Variants in STRBP observed in about 807,000 individuals in gnomAD.
STRBP encodes the protein spermatid perinuclear RNA binding protein.
In STRBP, 13 loss-of-function variants were observed where a neutral mutation model predicts 80.1. The observed-to-expected ratio is 0.16, with a 90% CI of 0.11 to 0.26. The LOEUF (loss-of-function observed/expected upper bound fraction) is 0.26, where lower values mean the gene tolerates loss of function less well. STRBP is among the 10% of genes least tolerant of loss of function. The probability of loss-of-function intolerance (pLI) is 1.00; values close to 1 mark genes in which losing one functional copy is unlikely to be tolerated. For synonymous variants in STRBP, 284 were observed against 291.2 expected, an observed-to-expected ratio of 0.98 and a Z score of 0.25; for missense variants, 485 against 815.2, an observed-to-expected ratio of 0.59 and a Z score of 4.93.
At chr9:123,162,800 C>T (rs1174868307) in intron 6 of STRBP, among the ~76,000 whole-genome samples, 1 of 152,154 alleles carries the variant, frequency 6.6e-6, no homozygotes, top group Non-Finnish European at 1.5e-5. Flanking sequence ...TAAATATAAA[C>T]AAATGTACCA....
At chr9:123,178,958 C>T in intron 4 of STRBP, 49 bp downstream of exon 4, 1 of 1,562,598 alleles carries the variant, frequency 6.4e-7, no homozygotes, top group Non-Finnish European at 8.8e-7. Context: ...GACCTTAGAG[C>T]TTTGCTGTGC....
Position 123,152,354 on chromosome 9 carries a change from A to T in STRBP, c.1046-4484T>A, listed in dbSNP as rs111534321. On this transcript the variant is annotated intron_variant, in intron 11 of 18. Transcript: ENST00000348403. ...ATTGGTGACAAATCTAACACACAAA[A>T]ACCTGTGTTTTTGTGACTTGCCCAC... is the stretch of plus-strand genomic sequence containing the variant. 3.6e-3 allele frequency among the ~76,000 whole-genome samples: 541 copies of T among 152,210 alleles called. 2 individuals are homozygous for T. The highest frequency in any genetic ancestry group is 0.012 in the African/African-American group (490 of 41,532).
intron 2 of STRBP, among the ~76,000 whole-genome samples, chr9:123,215,824 G>A (rs919569249): frequency 5.3e-5 from 8 of 152,142 alleles, no homozygotes; most frequent in Non-Finnish European, 5.9e-5. Context: ...TACAGTGTTG[G>A]TAACATTCTA....
chr9:123,160,233 T>C (rs2037466841), intron 8 of STRBP, 134 bp downstream of exon 8: 2 of 511,968 alleles, frequency 3.9e-6, no homozygotes, highest in African/African-American at 3.9e-5. Flanking sequence ...CTTTATTTTT[T>C]TTTCATGGCA....
At chr9:123,265,287 A>G (rs1391233095) in intron 1 of STRBP, among the ~76,000 whole-genome samples, 3 of 152,018 alleles carry the variant, frequency 2.0e-5, no homozygotes. Flanking sequence ...TCCCACTTCC[A>G]CTCAAACTTA....
chr9:123,183,747 T>C (rs2038587182), intron 3 of STRBP, among the ~76,000 whole-genome samples: 1 of 152,234 alleles, frequency 6.6e-6, no homozygotes, highest in South Asian at 2.1e-4. Flanking sequence ...TATAAACTTC[T>C]ACATCATTCA....
At chr9:123,127,095 A>G (rs1198105459) in intron 18 of STRBP, among the ~76,000 whole-genome samples, 2 of 152,238 alleles carry the variant, frequency 1.3e-5, no homozygotes, top group Non-Finnish European at 2.9e-5. Context: ...ATTTGCTCCG[A>G]AAGTGTGACC....
At position 123,160,861 on chromosome 9, in the gene STRBP, T is replaced by C. The variant is rs891430945; in HGVS notation, c.627+116A>G. ...CTCAATTACTCCAACAACCACACTA[T>C]GAGCTAGAAAGCACCCCTCATTTTA... On this transcript the variant is annotated intron_variant, in intron 7 of 18. Coordinates refer to ENST00000348403, the MANE Select transcript of STRBP (RefSeq NM_018387.5). 6 of 762,604 alleles carry C rather than the reference T, an allele frequency of 7.9e-6. No individual in the cohort carries two copies. In the African/African-American group the frequency reaches 1.1e-4, roughly 14 times the overall value. The allele number at this position is 762,604 out of a possible 1,614,324, so 47.2% of individuals were successfully genotyped here. A position where few individuals can be genotyped will look rare whatever the true frequency, so the allele number is the denominator to read the frequency against.
chr9:123,198,059 T>C (rs1442020841), intron 2 of STRBP, among the ~76,000 whole-genome samples: 1 of 152,198 alleles, frequency 6.6e-6, no homozygotes, highest in African/African-American at 2.4e-5. Flanking sequence ...TGATTAGTGA[T>C]GTTGAGCATT....
chr9:123,136,675 T>TC lies in STRBP; in HGVS notation c.1498-161_1498-160insG, dbSNP rs2036366087. ...TCTTTACACAAATGGCAAAATATCA[T>TC]TAAAGCTGTAAAAACTCTACAAGCA... is the stretch of plus-strand genomic sequence containing the variant. On this transcript the variant is annotated intron_variant, in intron 14 of 18. Transcript: ENST00000348403. This position sits in a 1 kb window ranked among gnomAD's most constrained non-coding sequence, Gnocchi z 4.2. Among the ~76,000 whole-genome samples the TC allele has an allele frequency of 1.3e-5, 2 of 152,184 alleles. No individual in the cohort carries two copies. The highest frequency in any genetic ancestry group is 2.9e-5 in the Non-Finnish European group (2 of 68,040).
intron 2 of STRBP, among the ~76,000 whole-genome samples, chr9:123,227,415 A>T (rs754029514): frequency 6.6e-6 from 1 of 152,172 alleles, no homozygotes; most frequent in Non-Finnish European, 1.5e-5. Context: ...GCCAAAGGAT[A>T]ACAACAACAG....
rs555482548 is a variant in STRBP, at chr9:123,115,678, T to A, written c.*84+251A>T. On this transcript the variant is annotated intron_variant and NMD_transcript_variant, in intron 3 of 3. Transcript: ENST00000471564. This position sits in a 1 kb window ranked among gnomAD's most constrained non-coding sequence, Gnocchi z 5.0. The stretch of plus-strand genomic sequence containing the variant: ...GAAGGGAGACATGGTCTTGGCAGCA[T>A]CACCAGTCAACATCAGAGTTCGTCC... 5 of 336,290 alleles carry A rather than the reference T, an allele frequency of 1.5e-5. No homozygotes were observed. Among genetic ancestry groups the A allele is most frequent in the Admixed American group, 1.2e-4 (3 of 24,842 alleles). 20.8% of individuals were successfully genotyped at this position (336,290 alleles called of 1,614,324 possible). A position where few individuals can be genotyped will look rare whatever the true frequency, so the allele number is the denominator to read the frequency against.
At chr9:123,254,837 A>G (rs1363002513) in intron 1 of STRBP, among the ~76,000 whole-genome samples, 1 of 152,160 alleles carries the variant, frequency 6.6e-6, no homozygotes, top group Non-Finnish European at 1.5e-5. Context: ...GTGCCAAAAT[A>G]ATGTTCACTG....
chr9:123,148,388 G>A (rs1385543224), intron 11 of STRBP, among the ~76,000 whole-genome samples: 2 of 152,152 alleles, frequency 1.3e-5, no homozygotes, highest in African/African-American at 4.8e-5. Context: ...AAGCCCCTGA[G>A]GGCAATAAAT....
intron 11 of STRBP, among the ~76,000 whole-genome samples, chr9:123,149,105 G>C (rs2036946661): frequency 6.6e-6 from 1 of 152,150 alleles, no homozygotes; most frequent in African/African-American, 2.4e-5. Flanking sequence ...GGAAAATTAT[G>C]CTCAAGATAC....
chr9:123,194,415 G>T (rs1160680001), intron 2 of STRBP, among the ~76,000 whole-genome samples: 1 of 151,846 alleles, frequency 6.6e-6, no homozygotes, highest in African/African-American at 2.4e-5. Context: ...TTCCTCTCCT[G>T]TATCATCCAT....
At chr9:123,141,310 TA>T (rs1307196572) in intron 13 of STRBP, among the ~76,000 whole-genome samples, 7 of 152,236 alleles carry the variant, frequency 4.6e-5, no homozygotes, top group Non-Finnish European at 8.8e-5. Flanking sequence ...ATTCTTATCA[TA>T]AATAAAATGT....
chr9:123,216,193 T>C (rs1266113771), intron 2 of STRBP, among the ~76,000 whole-genome samples: 1 of 152,172 alleles, frequency 6.6e-6, no homozygotes, highest in African/African-American at 2.4e-5. Context: ...TGGCATGGAC[T>C]GAATGAAGAA....
In STRBP at chr9:123,136,677, A is replaced by C. The variant is rs1216662572; in HGVS notation, c.1498-162T>G. Among the ~76,000 whole-genome samples, 1 of 152,222 alleles carries C rather than the reference A, an allele frequency of 6.6e-6. No individual in the cohort carries two copies. The highest frequency in any genetic ancestry group is 1.5e-5 in the Non-Finnish European group (1 of 68,032). On this transcript the variant is annotated intron_variant, in intron 14 of 18. Coordinates refer to ENST00000348403, the MANE Select transcript of STRBP (RefSeq NM_018387.5). This position sits in a 1 kb window ranked among gnomAD's most constrained non-coding sequence, Gnocchi z 4.2. ...TTTACACAAATGGCAAAATATCATT[A>C]AAGCTGTAAAAACTCTACAAGCAGT...
Sources: gnomAD v4.1 joint callset for allele counts (sites outside exome capture counted in the v4.1 genomes callset) on GRCh38, gnomAD v4.1.1 for gene constraint, Gnocchi (gnomAD v3.1) non-coding constraint, MANE v1.5 for transcripts, NCBI Gene and HGNC (gene_info 2026-07-23, HGNC 2026-07-21) for gene names.